Variants in PLPPR1 observed in about 807,000 individuals in gnomAD.
PLPPR1 encodes phospholipid phosphatase-related protein type 1.
A neutral mutation model predicts 33.1 loss-of-function variants in PLPPR1; 10 were observed. The ratio of observed to expected loss-of-function variants is 0.30; its 90% CI spans 0.19 to 0.51. The LOEUF is 0.51. Ranked by LOEUF, PLPPR1 falls within the 20% of genes least tolerant of loss-of-function variation. PLPPR1 has a pLI of 0.97. For missense variants in PLPPR1, 304 were observed against 408.1 expected (o/e 0.74, Z 2.20); for synonymous variants, 151 against 151.0 (o/e 1.00, Z 0.00).
chr9:101,237,783 C>G (rs1827336860), intron 2 of PLPPR1, among the ~76,000 whole-genome samples: 1 of 131,642 alleles, frequency 7.6e-6, no homozygotes, highest in Non-Finnish European at 1.6e-5. Context: ...ATTGTGTATT[C>G]CATTTTATAG....
At chr9:101,093,611 GTTC>G (rs1399617790) in intron 1 of PLPPR1, among the ~76,000 whole-genome samples, 3 of 152,280 alleles carry the variant, frequency 2.0e-5, no homozygotes, top group Admixed American at 6.5e-5. Context: ...TCAACCCTAT[GTTC>G]TTCTACTTTA....
chr9:101,047,892 G>T (rs547501569), intron 1 of PLPPR1, among the ~76,000 whole-genome samples: 4 of 152,162 alleles, frequency 2.6e-5, no homozygotes, highest in African/African-American at 7.2e-5. Flanking sequence ...CTTTGCTCAG[G>T]CTACTGATCA....
intron 1 of PLPPR1, among the ~76,000 whole-genome samples, chr9:101,114,450 G>T (rs939562800): frequency 6.6e-6 from 1 of 152,172 alleles, no homozygotes; most frequent in Non-Finnish European, 1.5e-5. Context: ...TGTGGATAGG[G>T]TCATCTACAA....
chr9:101,242,288 C>A (rs568806048), intron 2 of PLPPR1, among the ~76,000 whole-genome samples: 1 of 150,992 alleles, frequency 6.6e-6, no homozygotes, highest in South Asian at 2.1e-4. Context: ...TTGCCATACC[C>A]TTTTAATCCC....
intron 1 of PLPPR1, among the ~76,000 whole-genome samples, chr9:101,055,635 A>G (rs537399255): frequency 6.6e-6 from 1 of 152,340 alleles, no homozygotes; most frequent in Non-Finnish European, 1.5e-5. Context: ...ATATAAAATC[A>G]CTTACAGATA....
intron 2 of PLPPR1, among the ~76,000 whole-genome samples, chr9:101,263,888 TCTC>T (rs975551401): frequency 5.6e-4 from 86 of 152,224 alleles, no homozygotes; most frequent in African/African-American, 2.0e-3. Context: ...TCTGTCTCCT[TCTC>T]CTTTTCTTCC....
At chr9:101,296,705 C>T (rs1828648955) in intron 4 of PLPPR1, among the ~76,000 whole-genome samples, 1 of 151,942 alleles carries the variant, frequency 6.6e-6, no homozygotes, top group Non-Finnish European at 1.5e-5. Context: ...AACAAAAAAC[C>T]AAACACCGTA....
intron 1 of PLPPR1, among the ~76,000 whole-genome samples, chr9:101,120,724 C>A (rs2118593081): frequency 6.9e-6 from 1 of 144,132 alleles, no homozygotes; most frequent in East Asian, 2.0e-4. Flanking sequence ...GGTTTGAGGA[C>A]CAGTTACTCA....
chr9:101,280,707 A>G (rs982128660), intron 3 of PLPPR1, among the ~76,000 whole-genome samples: 1 of 152,168 alleles, frequency 6.6e-6, no homozygotes, highest in African/African-American at 2.4e-5. Context: ...AAAGTATTTG[A>G]TAAAATTCAG....
chr9:101,307,389 T>C (rs1374874524), intron 4 of PLPPR1, among the ~76,000 whole-genome samples: 1 of 152,232 alleles, frequency 6.6e-6, no homozygotes, highest in Non-Finnish European at 1.5e-5. Flanking sequence ...GGAAAAGTTA[T>C]GTCTGGACAG....
intron 2 of PLPPR1, among the ~76,000 whole-genome samples, chr9:101,219,252 T>G (rs995049211): frequency 2.0e-5 from 3 of 152,186 alleles, no homozygotes; most frequent in Non-Finnish European, 4.4e-5. Context: ...GGTTCGCAGT[T>G]GGGTTACTTT....
chr9:101,155,191 C>T (rs923808898), intron 1 of PLPPR1, among the ~76,000 whole-genome samples: 1 of 152,094 alleles, frequency 6.6e-6, no homozygotes, highest in Non-Finnish European at 1.5e-5. Flanking sequence ...AGTAGGGTGA[C>T]TGACATTCAA....
chr9:101,216,211 AG>A (rs1431733396), intron 2 of PLPPR1, among the ~76,000 whole-genome samples: 1 of 152,130 alleles, frequency 6.6e-6, no homozygotes, highest in African/African-American at 2.4e-5. Flanking sequence ...TTTGGGTAAA[AG>A]CCACTTTAAC....
At chr9:101,171,590 A>G (rs1320429818) in intron 1 of PLPPR1, among the ~76,000 whole-genome samples, 2 of 152,108 alleles carry the variant, frequency 1.3e-5, no homozygotes, top group African/African-American at 4.8e-5. Context: ...TGTCCTTTAT[A>G]AGCTTTGCAA....
At chr9:101,091,163 T>C (rs1830736453) in intron 1 of PLPPR1, among the ~76,000 whole-genome samples, 1 of 152,164 alleles carries the variant, frequency 6.6e-6, no homozygotes, top group African/African-American at 2.4e-5. Context: ...ACCTTTCTCC[T>C]TAACCTGTTT....
intron 1 of PLPPR1, among the ~76,000 whole-genome samples, chr9:101,150,178 G>A (rs1463888254): frequency 6.6e-6 from 1 of 151,796 alleles, no homozygotes; most frequent in Non-Finnish European, 1.5e-5. Flanking sequence ...TTGAAATTCT[G>A]TATCTCTTCT....
At position 101,080,302 on chromosome 9, in the gene PLPPR1, G is replaced by A. The variant is rs190854703; in HGVS notation, c.-46+51200G>A. 3.7e-4 allele frequency among the ~76,000 whole-genome samples: 56 copies of A among 152,156 alleles called. 1 individual carries two copies. The highest frequency in any genetic ancestry group is 3.4e-3 in the Admixed American group (52 of 15,278). On this transcript the variant is annotated intron_variant, in intron 1 of 7. Transcript: ENST00000374874. Reference sequence around the variant, plus strand: ...CATGCCTGTAATTCCAGCATTTTGGGAGGCTACCCTAAGAGTTCAAGACCA... The same window carrying A: ...CATGCCTGTAATTCCAGCATTTTGGAAGGCTACCCTAAGAGTTCAAGACCA...
chr9:101,140,215 G>T (rs566337445), intron 1 of PLPPR1, among the ~76,000 whole-genome samples: 26 of 133,102 alleles, frequency 2.0e-4, no homozygotes, highest in African/African-American at 6.9e-4. Context: ...TGCTTTTGAA[G>T]AATAGATTCT....
chr9:101,318,715 A>G lies in PLPPR1; in HGVS notation c.945+1219A>G, dbSNP rs1829099934. Among the ~76,000 whole-genome samples the G allele has an allele frequency of 2.6e-5, 4 of 152,294 alleles. 1 individual carries two copies. Among genetic ancestry groups the G allele is most frequent in the Non-Finnish European group, 2.9e-5 (2 of 68,028 alleles). On this transcript the variant is annotated intron_variant, in intron 7 of 7. Transcript: ENST00000374874. The stretch of plus-strand genomic sequence containing the variant: ...TTTGAGCCTGGGAGATTAAGACTAC[A>G]GCGTGCTGTGATCGCGCCACTGCAC...
Sources: gnomAD v4.1 joint callset for allele counts (sites outside exome capture counted in the v4.1 genomes callset) on GRCh38, gnomAD v4.1.1 for gene constraint, MANE v1.5 for transcripts, NCBI Gene and HGNC (gene_info 2026-07-23, HGNC 2026-07-21) for gene names.